Variants in DHRSX observed in about 807,000 individuals in gnomAD.
The protein encoded by DHRSX is dehydrogenase/reductase X-linked, also known as polyprenol dehydrogenase.
In DHRSX, 31 loss-of-function variants were observed where a neutral mutation model predicts 34.0. That is an observed-to-expected ratio of 0.91 (90% CI 0.69 to 1.23). The LOEUF (loss-of-function observed/expected upper bound fraction) is 1.23, where lower values mean the gene tolerates loss of function less well. Among genes scored for constraint, DHRSX ranks in the 50% most tolerant of loss-of-function variants. The pLI is 0.00. For synonymous variants in DHRSX, 201 were observed against 183.8 expected, an observed-to-expected ratio of 1.09 and a Z score of -0.76; for missense variants, 414 against 428.1, an observed-to-expected ratio of 0.97 and a Z score of 0.29.
intron 3 of DHRSX, 136 bp from the exon 4 acceptor site, chrX:2,291,739 A>C: frequency 1.5e-6 from 1 of 682,774 alleles, no homozygotes; most frequent in Non-Finnish European, 2.6e-6. Flanking sequence ...TTTGAGATGG[A>C]GTCTCGCTCT....
chrX:2,340,193 G>A (rs563115136), intron 3 of DHRSX, among the ~76,000 whole-genome samples: 11 of 151,708 alleles, frequency 7.3e-5, no homozygotes, highest in African/African-American at 2.7e-4. Flanking sequence ...CTGTCGAGGG[G>A]TGGGGGGCTA....
chrX:2,428,572 A>G (rs1362598899), intron 1 of DHRSX, among the ~76,000 whole-genome samples: 1 of 152,158 alleles, frequency 6.6e-6, no homozygotes, highest in Non-Finnish European at 1.5e-5. Flanking sequence ...TTGAACAATG[A>G]GAACACATGG....
At chrX:2,324,818 G>A (rs2042357979) in intron 3 of DHRSX, among the ~76,000 whole-genome samples, 1 of 149,686 alleles carries the variant, frequency 6.7e-6, no homozygotes. Flanking sequence ...GCCCAGGCTG[G>A]AGTGTAGTGG....
Position 2,466,701 on chromosome X carries a change from A to C in DHRSX, c.109+34116T>G, listed in dbSNP as rs186461892. On this transcript the variant is annotated intron_variant, in intron 1 of 6. Transcript: ENST00000334651. ...AGGTGGTACTGGACTTATTACCTGC[A>C]TGATGAAATAATCTGTTCACTAAGC... 2.1e-3 allele frequency among the ~76,000 whole-genome samples: 316 copies of C among 152,226 alleles called. 4 individuals carry two copies. The highest frequency in any genetic ancestry group is 6.3e-3 in the African/African-American group (261 of 41,526).
At chrX:2,478,273 G>A (rs1190901199) in intron 1 of DHRSX, among the ~76,000 whole-genome samples, 1 of 152,154 alleles carries the variant, frequency 6.6e-6, no homozygotes, top group Non-Finnish European at 1.5e-5. Context: ...TGCCTGGGAT[G>A]GGCGGTGACA....
chrX:2,473,173 G>A (rs1346020347), intron 1 of DHRSX, among the ~76,000 whole-genome samples: 4 of 152,184 alleles, frequency 2.6e-5, no homozygotes, highest in Non-Finnish European at 1.5e-5. Context: ...ACAAGAGACA[G>A]GACTGTTACA....
At chrX:2,303,768 GATAA>G (rs1207404886) in intron 3 of DHRSX, among the ~76,000 whole-genome samples, 33 of 118,346 alleles carry the variant, frequency 2.8e-4, no homozygotes, top group African/African-American at 9.4e-4. Flanking sequence ...TAGATGGATG[GATAA>G]ATGGATGGAT....
At chrX:2,271,735 C>G (rs1202344941) in intron 4 of DHRSX, among the ~76,000 whole-genome samples, 2 of 152,050 alleles carry the variant, frequency 1.3e-5, no homozygotes, top group African/African-American at 4.8e-5. Flanking sequence ...CAGAATTCAC[C>G]TCAGGAGTTA....
chrX:2,497,466 CT>C (rs1282603495), intron 1 of DHRSX, among the ~76,000 whole-genome samples: 2 of 152,068 alleles, frequency 1.3e-5, no homozygotes, highest in African/African-American at 4.8e-5. Flanking sequence ...CTGTTCACTA[CT>C]CATAAAACCA....
chrX:2,382,765 T>A (rs866507579), intron 3 of DHRSX, among the ~76,000 whole-genome samples: 1 of 106,040 alleles, frequency 9.4e-6, no homozygotes, highest in East Asian at 2.8e-4. Flanking sequence ...ATCATCATCA[T>A]CATCATCACC....
intron 1 of DHRSX, among the ~76,000 whole-genome samples, chrX:2,496,331 T>C (rs1465980239): frequency 6.6e-6 from 1 of 152,176 alleles, no homozygotes; most frequent in Non-Finnish European, 1.5e-5. Flanking sequence ...CCCAAGTAGC[T>C]GGGACTACAG....
intron 4 of DHRSX, among the ~76,000 whole-genome samples, chrX:2,274,420 T>C (rs1018813894): frequency 2.0e-5 from 3 of 151,714 alleles, no homozygotes; most frequent in Non-Finnish European, 4.4e-5. Context: ...TTTTATTTTT[T>C]ATTTCATTTT....
chrX:2,330,760 AAAG>A lies in DHRSX; in HGVS notation c.287-39160_287-39158del, dbSNP rs1307646693. On this transcript the variant is annotated intron_variant, in intron 3 of 6. Transcript: ENST00000334651. ...GGGGAAGAGGAGGGAAGAGAAGAGG[AAAG>A]AAGACAGGGAGAGAGAATAAGAGAA... 4.0e-5 allele frequency among the ~76,000 whole-genome samples: 6 copies of A among 151,858 alleles called. No individual in the cohort carries two copies. The East Asian group carries it at 9.7e-4, about 25-fold the overall frequency.
intron 3 of DHRSX, among the ~76,000 whole-genome samples, chrX:2,382,507 TCACCATCAC>T (rs1393096139): frequency 7.3e-6 from 1 of 137,798 alleles, no homozygotes; most frequent in East Asian, 2.1e-4. Flanking sequence ...ATTACCATCA[TCACCATCAC>T]CACCATCATC....
intron 3 of DHRSX, among the ~76,000 whole-genome samples, chrX:2,366,366 A>C (rs1395865902): frequency 5.9e-5 from 9 of 152,004 alleles, no homozygotes; most frequent in Non-Finnish European, 1.0e-4. Context: ...ACTTGAACCC[A>C]GAGGTGGAGG....
chrX:2,246,301 T>TTGGATTTTAGGA (rs1438838603), intron 5 of DHRSX, among the ~76,000 whole-genome samples: 1 of 152,116 alleles, frequency 6.6e-6, no homozygotes, highest in Non-Finnish European at 1.5e-5. Flanking sequence ...CAATGCCTCT[T>TTGGATTTTAGGA]ACCAACAAAA....
rs2043372965 is a variant in DHRSX, at chrX:2,393,790, T to TAC, written c.286+14954_286+14955insGT. ...CCTGGGCACACAACACCCAGGGACC[T>TAC]CCCTGTCTCCTGCACACACGACACA... On this transcript the variant is annotated intron_variant, in intron 3 of 6. Transcript: ENST00000334651. Among the ~76,000 whole-genome samples, 5 of 42,736 alleles carry TAC rather than the reference T, an allele frequency of 1.2e-4. 1 individual carries two copies. Among genetic ancestry groups the TAC allele is most frequent in the East Asian group, 1.2e-3 (2 of 1,614 alleles). The allele number at this position is 42,736 out of a possible 152,430, so 28.0% of individuals were successfully genotyped here. A position where few individuals can be genotyped will look rare whatever the true frequency, so the allele number is the denominator to read the frequency against.
At chrX:2,389,557 C>G (rs971480781) in intron 3 of DHRSX, among the ~76,000 whole-genome samples, 7 of 152,118 alleles carry the variant, frequency 4.6e-5, no homozygotes, top group African/African-American at 1.7e-4. Flanking sequence ...GTGTCACAGT[C>G]TTTCTTGACC....
At chrX:2,486,096 C>T (rs1447634097) in intron 1 of DHRSX, among the ~76,000 whole-genome samples, 2 of 151,968 alleles carry the variant, frequency 1.3e-5, no homozygotes, top group Non-Finnish European at 2.9e-5. Flanking sequence ...TCCAGGCTGC[C>T]TCGTCCATGG....
Sources: allele counts gnomAD v4.1 joint callset (sites outside exome capture counted in the v4.1 genomes callset), GRCh38; gene constraint gnomAD v4.1.1; transcripts MANE v1.5; gene names NCBI Gene and HGNC (gene_info 2026-07-23, HGNC 2026-07-21).